RXFP1: variants seen among roughly 807,000 people sequenced by gnomAD.
RXFP1 encodes the protein relaxin receptor 1.
RXFP1 carries 73 observed loss-of-function variants against 89.8 expected under a neutral mutation model. The observed-to-expected ratio is 0.81, with a 90% CI of 0.67 to 0.99. The LOEUF (loss-of-function observed/expected upper bound fraction) is 0.99, where lower values mean the gene tolerates loss of function less well. Ranked by LOEUF, RXFP1 falls within the 50% of genes least tolerant of loss-of-function variation. RXFP1 has a pLI of 0.00. For synonymous variants in RXFP1, 277 were observed against 305.5 expected, an observed-to-expected ratio of 0.91 and a Z score of 0.97; for missense variants, 793 against 895.5, an observed-to-expected ratio of 0.89 and a Z score of 1.46.
At chr4:158,626,067 T>A (rs1293877456) in intron 9 of RXFP1, among the ~76,000 whole-genome samples, 2 of 151,272 alleles carry the variant, frequency 1.3e-5, no homozygotes, top group Non-Finnish European at 2.9e-5. Flanking sequence ...GACATAGGCA[T>A]CACACAGCAA....
At chr4:158,547,187 T>C (rs1039488428) in intron 1 of RXFP1, among the ~76,000 whole-genome samples, 5 of 152,208 alleles carry the variant, frequency 3.3e-5, no homozygotes, top group Non-Finnish European at 5.9e-5. Flanking sequence ...GGGGGGTGTA[T>C]GTTTTGAGGA....
intron 1 of RXFP1, among the ~76,000 whole-genome samples, chr4:158,545,401 T>C (rs1012872665): frequency 6.6e-5 from 10 of 152,140 alleles, no homozygotes; most frequent in East Asian, 3.8e-4. Flanking sequence ...TTGTAGGTTG[T>C]CTGTTCACTC....
rs747914849 is a variant in RXFP1 at position 158,599,383 on chromosome 4, A to G, written c.344A>G (p.Glu115Gly). ...LCQGLELDCD[E>G]TNLRAVPSVS... ...CAAGGTCTGGAGCTTGACTGTGATG[A>G]AACCAATTTACGAGCTGTTCCATCG... The change falls in exon 4 of 18, where the codon GAA becomes GGA. Residue 115 changes from glutamate (E) to glycine (G), a missense_variant. Coordinates refer to ENST00000307765, the MANE Select transcript of RXFP1 (RefSeq NM_021634.4). 4.3e-6 allele frequency: 7 copies of G among 1,613,678 alleles called. No individual in the cohort carries two copies. The highest frequency in any genetic ancestry group is 5.1e-6 in the Non-Finnish European group (6 of 1,179,852).
chr4:158,622,938 G>C (rs1765904180), intron 9 of RXFP1, among the ~76,000 whole-genome samples: 1 of 152,124 alleles, frequency 6.6e-6, no homozygotes, highest in African/African-American at 2.4e-5. Context: ...ACTATGTACT[G>C]TATATCGAAA....
At chr4:158,589,038 C>T (rs988205114) in intron 2 of RXFP1, among the ~76,000 whole-genome samples, 3 of 152,220 alleles carry the variant, frequency 2.0e-5, no homozygotes, top group African/African-American at 7.2e-5. Flanking sequence ...CACAATTCCA[C>T]ATGGCTTGGG....
chr4:158,538,401 C>T (rs1745775652), intron 1 of RXFP1, among the ~76,000 whole-genome samples: 1 of 152,094 alleles, frequency 6.6e-6, no homozygotes, highest in Non-Finnish European at 1.5e-5. Flanking sequence ...TAGTCAAGTG[C>T]TGAAGGATTG....
At chr4:158,543,629 CA>C in intron 1 of RXFP1, 1 of 389,938 alleles carries the variant, frequency 2.6e-6, no homozygotes, top group Non-Finnish European at 3.5e-6. Context: ...TGAGCCCTCC[CA>C]GTCAGTATTT....
intron 2 of RXFP1, among the ~76,000 whole-genome samples, chr4:158,584,047 G>A (rs528629633): frequency 6.6e-6 from 1 of 152,252 alleles, no homozygotes; most frequent in East Asian, 1.9e-4. Context: ...GCTCTTGTGG[G>A]TAATAACCTC....
At chr4:158,648,326 G>A (rs182829753) in intron 16 of RXFP1, among the ~76,000 whole-genome samples, 173 bp from the exon 17 acceptor site, 6 of 151,962 alleles carry the variant, frequency 3.9e-5, no homozygotes, top group African/African-American at 7.2e-5. Context: ...AAAAATTCAT[G>A]ATTTTTGTGG....
At chr4:158,547,480 G>T (rs1026025176) in intron 1 of RXFP1, among the ~76,000 whole-genome samples, 2 of 151,738 alleles carry the variant, frequency 1.3e-5, no homozygotes, top group African/African-American at 4.8e-5. Context: ...GTTATTTCTT[G>T]CTTCCTGCTA....
At chr4:158,603,127 G>A (rs949162093) in intron 4 of RXFP1, among the ~76,000 whole-genome samples, 1 of 148,800 alleles carries the variant, frequency 6.7e-6, no homozygotes, top group African/African-American at 2.4e-5. Context: ...AGATGGCGGT[G>A]GGGGGGCAGT....
In RXFP1 at chr4:158,522,004, A is replaced by G. The variant is rs746152132; in HGVS notation, c.28A>G (p.Ile10Val). The G allele has an allele frequency of 2.5e-6, 4 of 1,607,872 alleles. No homozygotes were observed. Among genetic ancestry groups the G allele is most frequent in the Non-Finnish European group, 3.4e-6 (4 of 1,175,396 alleles). MTSGSVFFY[I>V]LIFGKYFSHG... ...GACATCTGGTTCTGTCTTCTTCTACATCTTAATTTTTGGAAAATATTGTAA... is the reference window on the plus strand; with the variant it reads ...GACATCTGGTTCTGTCTTCTTCTACGTCTTAATTTTTGGAAAATATTGTAA... Residue 10 changes from isoleucine to valine, a missense_variant, in exon 1 of 18, where the codon ATC becomes GTC. Ile to Val is a conservative substitution (Grantham distance 29). Coordinates refer to ENST00000307765, the MANE Select transcript of RXFP1 (RefSeq NM_021634.4).
chr4:158,576,797 G>A (rs976007466), intron 2 of RXFP1, among the ~76,000 whole-genome samples: 7 of 152,142 alleles, frequency 4.6e-5, no homozygotes, highest in African/African-American at 1.7e-4. Flanking sequence ...AAGATGCCCA[G>A]TTGGCATGCT....
At chr4:158,600,710 C>A (rs1761518433) in intron 4 of RXFP1, among the ~76,000 whole-genome samples, 2 of 152,012 alleles carry the variant, frequency 1.3e-5, no homozygotes, top group African/African-American at 4.8e-5. Flanking sequence ...CACCTGTAGT[C>A]TCAGCTACTT....
intron 1 of RXFP1, among the ~76,000 whole-genome samples, chr4:158,533,347 A>G (rs1412749861): frequency 1.3e-5 from 2 of 152,212 alleles, no homozygotes; most frequent in East Asian, 3.8e-4. Context: ...GTGGTGGAAG[A>G]GTAAAAAAGG....
rs549595582 is a variant in RXFP1, at chr4:158,554,341, A to G, written c.50-18357A>G. 3.7e-4 allele frequency among the ~76,000 whole-genome samples: 56 copies of G among 152,294 alleles called. 1 individual carries two copies. The South Asian group carries it at 0.011, about 31-fold the overall frequency. On this transcript the variant is annotated intron_variant, in intron 1 of 17. Transcript: ENST00000307765. ...AGCAAGTCAAATTTTTCCTAAGTATATAAACTGAAAAGTAAAATCCCCACT... is the reference window on the plus strand; with the variant it reads ...AGCAAGTCAAATTTTTCCTAAGTATGTAAACTGAAAAGTAAAATCCCCACT...
chr4:158,535,197 A>T (rs1380382622), intron 1 of RXFP1, among the ~76,000 whole-genome samples: 1 of 152,032 alleles, frequency 6.6e-6, no homozygotes, highest in Non-Finnish European at 1.5e-5. Context: ...CAGGCTCAGA[A>T]CATGATGAGA....
intron 17 of RXFP1, among the ~76,000 whole-genome samples, chr4:158,649,269 G>A (rs766097298): frequency 3.5e-4 from 54 of 152,218 alleles, no homozygotes; most frequent in Non-Finnish European, 3.8e-4. Context: ...AATTCCACAC[G>A]GTGTTGAAAT....
chr4:158,589,287 A>G (rs998069809), intron 2 of RXFP1, among the ~76,000 whole-genome samples: 21 of 152,310 alleles, frequency 1.4e-4, no homozygotes, highest in African/African-American at 4.6e-4. Context: ...GAGTGGGAGG[A>G]CACAGCCAAA....
Sources: allele counts gnomAD v4.1 joint callset (sites outside exome capture counted in the v4.1 genomes callset), GRCh38; gene constraint gnomAD v4.1.1; transcripts MANE v1.5; gene names NCBI Gene and HGNC (gene_info 2026-07-23, HGNC 2026-07-21).